CAPN11: variants seen among roughly 807,000 people sequenced by gnomAD.
CAPN11 encodes the protein calpain-11.
CAPN11 carries 108 observed loss-of-function variants against 105.3 expected under a neutral mutation model. The observed-to-expected ratio is 1.03, with a 90% CI of 0.88 to 1.20. CAPN11 has a LOEUF of 1.20. Ranked by LOEUF, CAPN11 falls within the 50% of genes most tolerant of loss-of-function variation. The pLI is 0.00. For synonymous variants in CAPN11, 329 were observed against 344.5 expected (o/e 0.96, Z 0.50); for missense variants, 883 against 924.8 (o/e 0.95, Z 0.59).
chr6:44,162,478 G>A (rs933421592), intron 1 of CAPN11, among the ~76,000 whole-genome samples: 1 of 152,014 alleles, frequency 6.6e-6, no homozygotes, highest in African/African-American at 2.4e-5. Flanking sequence ...CAGAGGGCTT[G>A]GGTTAGAAGA....
chr6:44,161,240 C>T (rs542353606), intron 1 of CAPN11, among the ~76,000 whole-genome samples: 1 of 151,312 alleles, frequency 6.6e-6, no homozygotes, highest in South Asian at 2.1e-4. Context: ...CACTCTATTG[C>T]CCAGGCTGGA....
At chr6:44,178,375 G>T (rs1389045741) in intron 12 of CAPN11, among the ~76,000 whole-genome samples, 5 of 152,104 alleles carry the variant, frequency 3.3e-5, no homozygotes, top group Non-Finnish European at 7.4e-5. Flanking sequence ...CAGGAGCCAA[G>T]AGAAAGCCCT....
chr6:44,160,273 G>A (rs1582850443), intron 1 of CAPN11, among the ~76,000 whole-genome samples: 2 of 152,102 alleles, frequency 1.3e-5, no homozygotes, highest in African/African-American at 2.4e-5. Flanking sequence ...ACACCATGTC[G>A]TATACAACAG....
rs749694993 is a variant in CAPN11 at position 44,172,912 on chromosome 6, G to T, written c.529-28G>T. On this transcript the variant is annotated intron_variant, in intron 5 of 22. Transcript: ENST00000398776. The stretch of plus-strand genomic sequence containing the variant: ...AGGCGCTTGATGATAGGGTTCCCAC[G>T]CAAGGGGTGTGTGTTTGCTACCCAC... 27 of 1,609,156 alleles carry T rather than the reference G, an allele frequency of 1.7e-5. No individual in the cohort carries two copies. In the African/African-American group the frequency reaches 2.1e-4, roughly 13 times the overall value.
chr6:44,169,056 G>A (rs1770512480), intron 2 of CAPN11: 1 of 561,824 alleles, frequency 1.8e-6, no homozygotes, highest in Admixed American at 2.2e-5. Context: ...TCAGCCTCCT[G>A]AGTAGCTGGG....
intron 1 of CAPN11, among the ~76,000 whole-genome samples, chr6:44,159,980 A>G (rs1768416072): frequency 6.6e-6 from 1 of 152,128 alleles, no homozygotes; most frequent in South Asian, 2.1e-4. Flanking sequence ...ACTAAAATAC[A>G]AAAATTAGCC....
rs1329881601 is a variant in CAPN11 at position 44,176,872 on chromosome 6, C to CA, written c.1111_1112insA (p.Leu371HisfsTer10). On this transcript the variant is annotated frameshift_variant, in exon 11 of 23. Transcript: ENST00000398776. LOFTEE classifies it high-confidence loss of function. ...CCAAGATTTCCTGAACAACTTCACG[C>CA]TCCTGGAGATCTGCAACCTCACGCC... 6.2e-7 allele frequency: 1 copy of CA among 1,613,984 alleles called. No individual in the cohort carries two copies.
chr6:44,180,412 C>T (rs1374894441), intron 14 of CAPN11, 48 bp from the exon 15 acceptor site: 3 of 1,599,928 alleles, frequency 1.9e-6, no homozygotes, highest in South Asian at 2.2e-5. Flanking sequence ...CTAAAACCCC[C>T]ACCTCCCTCC....
chr6:44,181,171 C>A, intron 18 of CAPN11, 81 bp from the exon 19 acceptor site: 1 of 1,341,468 alleles, frequency 7.5e-7, no homozygotes, highest in South Asian at 1.2e-5. Flanking sequence ...GCTTGTGTGT[C>A]CCCTCAGGAA....
Position 44,180,740 on chromosome 6 carries a change from C to T in CAPN11, c.1747-8C>T. 1 of 1,613,684 alleles carries T rather than the reference C, an allele frequency of 6.2e-7. No individual in the cohort carries two copies. ...GGCCCGAGTGGGGTTCACAGTTCCC[C>T]TTCCTAGGGCAAGGAGATAGGGGTG... On this transcript the variant is annotated splice_polypyrimidine_tract_variant and splice_region_variant and intron_variant, in intron 16 of 22. Coordinates refer to ENST00000398776, the MANE Select transcript of CAPN11 (RefSeq NM_007058.4).
intron 7 of CAPN11, among the ~76,000 whole-genome samples, chr6:44,173,826 C>T (rs1025490161): frequency 3.9e-5 from 6 of 152,158 alleles, no homozygotes; most frequent in African/African-American, 1.4e-4. Flanking sequence ...TCAACTGATC[C>T]ACCCACCTCG....
intron 19 of CAPN11, among the ~76,000 whole-genome samples, chr6:44,182,445 A>G (rs7754905): frequency 0.26 from 40,237 of 152,152 alleles, 5,493 homozygotes; most frequent in Middle Eastern, 0.35. Context: ...GCACACAAAG[A>G]GCGCTGGGCA....
Position 44,167,563 on chromosome 6 carries a change from A to T in CAPN11, c.88+734A>T, listed in dbSNP as rs549387049. The stretch of plus-strand genomic sequence containing the variant: ...GATGGTCTGGAGGCCATTAAAAAAA[A>T]AAAACAGCTTTATTGAGAGACAATT... On this transcript the variant is annotated intron_variant, in intron 2 of 22. Coordinates refer to ENST00000398776, the MANE Select transcript of CAPN11 (RefSeq NM_007058.4). Among the ~76,000 whole-genome samples, 51 of 152,044 alleles carry T rather than the reference A, an allele frequency of 3.4e-4. No homozygotes were observed. In the South Asian group the frequency reaches 0.01, roughly 31 times the overall value.
In CAPN11 at chr6:44,169,956, C is replaced by T. The variant is rs757187023; in HGVS notation, c.390C>T (p.Asp130=). 3 of 1,611,844 alleles carry T rather than the reference C, an allele frequency of 1.9e-6. No individual in the cohort carries two copies. Among genetic ancestry groups the T allele is most frequent in the African/African-American group, 1.3e-5 (1 of 75,028 alleles). ...TCATGGATGGGATTTCTCCAACAGA[C>T]ATCTGCCAGGGGATCCTCGGTGAGT... ...LFIMDGISPT[D]ICQGILGDCW... Residue 130 remains aspartate, a synonymous_variant, in exon 4 of 23, where the codon GAC becomes GAT. Transcript: ENST00000398776.
At chr6:44,169,580 A>T in intron 3 of CAPN11, 49 bp downstream of exon 3, 1 of 1,477,568 alleles carries the variant, frequency 6.8e-7, no homozygotes. Flanking sequence ...GGGAGCTTGT[A>T]GTGATCCCTC....
Position 44,180,011 on chromosome 6 carries a change from C to T in CAPN11, c.1488C>T (p.His496=), listed in dbSNP as rs746956243. Residue 496 remains histidine, a synonymous_variant, in exon 14 of 23, where the codon CAC becomes CAT. Coordinates refer to ENST00000398776, the MANE Select transcript of CAPN11 (RefSeq NM_007058.4). ...AATTCTTCACGAAGTATCAGGACCA[C>T]GGCTTCTCAGAGATCTTCACCAACT... ...KKEFFTKYQD[H]GFSEIFTNSR... is the part of the protein sequence containing the mutation. 3.7e-6 allele frequency: 6 copies of T among 1,612,072 alleles called. No individual in the cohort carries two copies. The highest frequency in any genetic ancestry group is 3.3e-5 in the Admixed American group (2 of 59,878).
chr6:44,161,914 G>T, intron 1 of CAPN11: 4 of 456,028 alleles, frequency 8.8e-6, no homozygotes, highest in South Asian at 6.2e-5. Context: ...TAGATGATTC[G>T]CTCAACCCAG....
rs939187118 is a variant in CAPN11 at position 44,183,319 on chromosome 6, C to A, written c.2134+84C>A. 3.6e-6 allele frequency: 3 copies of A among 826,916 alleles called. No homozygotes were observed. In the East Asian group the frequency reaches 7.3e-5, roughly 20 times the overall value. The allele number at this position is 826,916 out of a possible 1,614,324, so 51.2% of individuals were successfully genotyped here. A position where few individuals can be genotyped will look rare whatever the true frequency, so the allele number is the denominator to read the frequency against. On this transcript the variant is annotated intron_variant, in intron 21 of 22. Transcript: ENST00000398776. ...AACACCCACCCTGATGGGTGCTGCT[C>A]CAGATCCCCTCCCCCTTACAAGGCA... is the stretch of plus-strand genomic sequence containing the variant.
At position 44,181,537 on chromosome 6, in the gene CAPN11, T is replaced by TCACACA. The variant is rs1235653229; in HGVS notation, c.1938+227_1938+232dup. Among the ~76,000 whole-genome samples, 3 of 2,784 alleles carry TCACACA rather than the reference T, an allele frequency of 1.1e-3. 1 individual carries two copies. The highest frequency in any genetic ancestry group is 3.3e-3 in the African/African-American group (3 of 918). 1.8% of individuals were successfully genotyped at this position (2,784 alleles called of 152,430 possible). ...ACATACAGACACAACCACACCACACTCACACACACACACACTCACATACAG... is the reference window on the plus strand; with the variant it reads ...ACATACAGACACAACCACACCACACTCACACACACACACACACACACTCACATACAG... On this transcript the variant is annotated intron_variant, in intron 19 of 22. Transcript: ENST00000398776.
Sources: allele counts gnomAD v4.1 joint callset (sites outside exome capture counted in the v4.1 genomes callset), GRCh38; gene constraint gnomAD v4.1.1; transcripts MANE v1.5; gene names NCBI Gene and HGNC (gene_info 2026-07-23, HGNC 2026-07-21).